PPA2: variants seen among roughly 807,000 people sequenced by gnomAD.
PPA2 encodes the protein inorganic pyrophosphatase 2.
PPA2 carries 48 observed loss-of-function variants against 49.5 expected under a neutral mutation model. That is an observed-to-expected ratio of 0.97 (90% CI 0.77 to 1.23). The LOEUF is 1.23. Ranked by LOEUF, PPA2 falls within the 50% of genes most tolerant of loss-of-function variation. The probability of loss-of-function intolerance (pLI) is 0.00; values close to 1 mark genes in which losing one functional copy is unlikely to be tolerated. For missense variants in PPA2, 429 were observed against 410.1 expected (o/e 1.05, Z -0.40); for synonymous variants, 131 against 139.9 (o/e 0.94, Z 0.45).
rs201653866 is a variant in PPA2, at chr4:105,386,630, G to T, written c.876C>A (p.Asn292Lys). 1 of 1,611,646 alleles carries T rather than the reference G, an allele frequency of 6.2e-7. No individual in the cohort carries two copies. ...GGAAAGGGCTATCAGATATCTGCAC[G>T]TTTGTGCTGGAGAGGAAAAGAGAAT... Reference protein sequence around the residue: ...KCNGGAINCTNVQISDSPFRC... With the variant: ...KCNGGAINCTKVQISDSPFRC... Residue 292 changes from asparagine (N) to lysine (K), a missense_variant, in exon 10 of 12, where the codon AAC becomes AAA. Asn to Lys is a moderately conservative substitution (Grantham distance 94, BLOSUM62 0). Coordinates refer to ENST00000341695, the MANE Select transcript of PPA2 (RefSeq NM_176869.3).
At chr4:105,375,657 T>G (rs1296541399) in intron 10 of PPA2, among the ~76,000 whole-genome samples, 2 of 152,104 alleles carry the variant, frequency 1.3e-5, no homozygotes, top group Admixed American at 1.3e-4. Flanking sequence ...CCAGCCAGAT[T>G]AACCTCAGAG....
intron 5 of PPA2, 68 bp downstream of exon 5, chr4:105,446,315 T>C: frequency 1.4e-6 from 2 of 1,451,654 alleles, no homozygotes; most frequent in Non-Finnish European, 1.8e-6. Flanking sequence ...AATTCAGTAG[T>C]TCACAGGATT....
At chr4:105,436,344 A>T (rs1724056082) in intron 6 of PPA2, among the ~76,000 whole-genome samples, 1 of 152,152 alleles carries the variant, frequency 6.6e-6, no homozygotes, top group African/African-American at 2.4e-5. Context: ...AAAACATCCC[A>T]TGCTCATGGA....
intron 10 of PPA2, among the ~76,000 whole-genome samples, chr4:105,385,106 G>T (rs955080943): frequency 4.6e-5 from 7 of 152,016 alleles, no homozygotes; most frequent in Non-Finnish European, 1.0e-4. Context: ...TACAATTCTT[G>T]GCACATATGT....
At chr4:105,436,579 CTG>C (rs1724066694) in intron 6 of PPA2, among the ~76,000 whole-genome samples, 12 of 152,102 alleles carry the variant, frequency 7.9e-5, no homozygotes, top group Admixed American at 6.6e-4. Context: ...TACCACATAG[CTG>C]TAGTACTGGT....
chr4:105,416,910 T>A (rs1178956526), intron 7 of PPA2, among the ~76,000 whole-genome samples: 2 of 152,148 alleles, frequency 1.3e-5, no homozygotes, highest in African/African-American at 4.8e-5. Context: ...TTAACACATG[T>A]CAAAGTGAGT....
intron 5 of PPA2, among the ~76,000 whole-genome samples, chr4:105,443,439 A>C (rs1308949815): frequency 9.3e-6 from 1 of 107,598 alleles, no homozygotes; most frequent in Non-Finnish European, 2.0e-5. Flanking sequence ...ATCAACCATC[A>C]AGCAGAAAAA....
intron 6 of PPA2, among the ~76,000 whole-genome samples, chr4:105,431,010 C>T (rs1200637463): frequency 1.3e-5 from 2 of 152,150 alleles, no homozygotes; most frequent in African/African-American, 2.4e-5. Context: ...ATTCATACCC[C>T]AAACTGAGCC....
At chr4:105,453,832 T>C in intron 2 of PPA2, 190 bp from the exon 3 acceptor site, 1 of 411,010 alleles carries the variant, frequency 2.4e-6, no homozygotes, top group Non-Finnish European at 4.4e-6. Context: ...GAATAGAGCA[T>C]CAAAGTGTTT....
chr4:105,406,005 CA>C (rs1373540348), intron 7 of PPA2: 1 of 218,488 alleles, frequency 4.6e-6, no homozygotes, highest in East Asian at 1.2e-4. Flanking sequence ...CCTATGCAAA[CA>C]AGAATTTTAA....
intron 2 of PPA2, among the ~76,000 whole-genome samples, chr4:105,454,976 TATAGC>T (rs1401172255): frequency 1.2e-4 from 19 of 152,356 alleles, no homozygotes; most frequent in African/African-American, 4.6e-4. Context: ...CAGATTTTGC[TATAGC>T]ATACCCCTGA....
chr4:105,460,713 A>T (rs1288202008), intron 1 of PPA2, among the ~76,000 whole-genome samples: 1 of 152,166 alleles, frequency 6.6e-6, no homozygotes, highest in Non-Finnish European at 1.5e-5. Flanking sequence ...TCATGGGGGT[A>T]AAAGAAACTT....
At chr4:105,466,026 T>G (rs940089113) in intron 1 of PPA2, among the ~76,000 whole-genome samples, 1 of 152,146 alleles carries the variant, frequency 6.6e-6, no homozygotes, top group Non-Finnish European at 1.5e-5. Context: ...TTCATCTATA[T>G]TCTTTTTCTT....
intron 5 of PPA2, among the ~76,000 whole-genome samples, chr4:105,442,925 C>T (rs976522625): frequency 6.6e-6 from 1 of 152,158 alleles, no homozygotes; most frequent in African/African-American, 2.4e-5. Context: ...GACACACATA[C>T]ACAATGCATT....
intron 1 of PPA2, among the ~76,000 whole-genome samples, chr4:105,469,736 A>C (rs1316916404): frequency 6.6e-6 from 1 of 152,250 alleles, no homozygotes; most frequent in Non-Finnish European, 1.5e-5. Context: ...ATCAAATAAA[A>C]TACTTTTTCT....
chr4:105,464,466 A>G (rs1437371893), intron 1 of PPA2, among the ~76,000 whole-genome samples: 1 of 152,178 alleles, frequency 6.6e-6, no homozygotes, highest in Non-Finnish European at 1.5e-5. Flanking sequence ...TAATGTTGAA[A>G]TGAGTTAAGA....
chr4:105,436,923 G>C (rs961211405), intron 6 of PPA2, among the ~76,000 whole-genome samples: 5 of 152,082 alleles, frequency 3.3e-5, no homozygotes, highest in African/African-American at 1.2e-4. Flanking sequence ...AAGAATTTAT[G>C]ATGAAGACCC....
intron 10 of PPA2, among the ~76,000 whole-genome samples, chr4:105,373,805 A>C (rs1733127905): frequency 6.7e-6 from 1 of 149,076 alleles, no homozygotes; most frequent in African/African-American, 2.5e-5. Context: ...ACCCCATCAT[A>C]GGTAAGTCTG....
At chr4:105,370,898 T>C (rs1001814418) in intron 10 of PPA2, 25 bp from the exon 11 acceptor site, 1 of 1,455,620 alleles carries the variant, frequency 6.9e-7, no homozygotes, top group Admixed American at 2.5e-5. Context: ...AGAGAAAGAA[T>C]CTCTGTTACA....
Sources: allele counts gnomAD v4.1 joint callset (sites outside exome capture counted in the v4.1 genomes callset), GRCh38; gene constraint gnomAD v4.1.1; transcripts MANE v1.5; gene names NCBI Gene and HGNC (gene_info 2026-07-23, HGNC 2026-07-21).